Variants in SHISA6 observed in about 807,000 individuals in gnomAD.
SHISA6 encodes protein shisa-6.
SHISA6 carries 22 observed loss-of-function variants against 47.9 expected under a neutral mutation model. The ratio of observed to expected loss-of-function variants is 0.46; its 90% CI spans 0.33 to 0.66. The LOEUF (loss-of-function observed/expected upper bound fraction) is 0.66, where lower values mean the gene tolerates loss of function less well. SHISA6 is among the 30% of genes least tolerant of loss of function. SHISA6 has a pLI of 0.02. For missense variants in SHISA6, 680 were observed against 764.6 expected (o/e 0.89, Z 1.30); for synonymous variants, 388 against 337.8 (o/e 1.15, Z -1.63).
At chr17:11,332,727 A>G (rs1312629992) in intron 2 of SHISA6, among the ~76,000 whole-genome samples, 1 of 152,190 alleles carries the variant, frequency 6.6e-6, no homozygotes, top group African/African-American at 2.4e-5. Context: ...GATTATGCCC[A>G]TGCCGGGGTT....
intron 2 of SHISA6, among the ~76,000 whole-genome samples, chr17:11,360,421 G>A (rs559359450): frequency 2.0e-5 from 3 of 152,188 alleles, no homozygotes; most frequent in East Asian, 3.9e-4. Context: ...TTAGCTGGGC[G>A]TGGTGGCAGG....
At chr17:11,311,106 C>CAAAAA (rs71139101) in intron 2 of SHISA6, among the ~76,000 whole-genome samples, 1 of 48,578 alleles carries the variant, frequency 2.1e-5, no homozygotes, top group African/African-American at 8.0e-5. Context: ...GACTCCATCT[C>CAAAAA]AAAAAAAAAA....
intron 1 of SHISA6, among the ~76,000 whole-genome samples, chr17:11,251,663 G>A (rs1907816616): frequency 6.6e-6 from 1 of 152,142 alleles, no homozygotes. Context: ...GTGCATGCAA[G>A]ACACAGCACT....
chr17:11,278,036 G>A (rs572849390), intron 2 of SHISA6, among the ~76,000 whole-genome samples: 1 of 152,284 alleles, frequency 6.6e-6, no homozygotes, highest in Non-Finnish European at 1.5e-5. Flanking sequence ...GTGTCACAGT[G>A]TGGCCCACAA....
intron 3 of SHISA6, among the ~76,000 whole-genome samples, chr17:11,406,770 A>T (rs1317704701): frequency 2.0e-5 from 3 of 152,170 alleles, no homozygotes; most frequent in Non-Finnish European, 4.4e-5. Flanking sequence ...ATTAGATTGT[A>T]TAAAATGTAC....
At chr17:11,404,411 G>GT (rs1192634048) in intron 3 of SHISA6, among the ~76,000 whole-genome samples, 3 of 152,090 alleles carry the variant, frequency 2.0e-5, no homozygotes, top group Non-Finnish European at 2.9e-5. Flanking sequence ...TCCCAAGACT[G>GT]TTTGTCTAGA....
chr17:11,247,038 T>A (rs1362877060), intron 1 of SHISA6, among the ~76,000 whole-genome samples: 2 of 152,286 alleles, frequency 1.3e-5, no homozygotes, highest in East Asian at 3.9e-4. Context: ...TTTCTGGGAA[T>A]CGACTGCTAA....
intron 2 of SHISA6, among the ~76,000 whole-genome samples, chr17:11,320,048 T>C (rs1353915196): frequency 6.6e-6 from 1 of 152,202 alleles, no homozygotes. Flanking sequence ...GTCCCTAGGG[T>C]TCTGAAAGAT....
chr17:11,439,016 C>T (rs189998672), intron 3 of SHISA6, among the ~76,000 whole-genome samples: 106 of 152,044 alleles, frequency 7.0e-4, no homozygotes, highest in African/African-American at 2.5e-3. Flanking sequence ...AGCAGTGGCC[C>T]CAAGGACTGA....
At position 11,508,303 on chromosome 17, in the gene SHISA6, G is replaced by T. The variant is rs1249537529; in HGVS notation, c.896-43593G>T. On this transcript the variant is annotated intron_variant, in intron 3 of 5. Coordinates refer to ENST00000441885, the MANE Select transcript of SHISA6 (RefSeq NM_207386.4). ...TTGGAAGTCCAAGATCAAAGCACCAGCATCTGGTGTCTGGTGAGGGCTACA... is the reference window on the plus strand; with the variant it reads ...TTGGAAGTCCAAGATCAAAGCACCATCATCTGGTGTCTGGTGAGGGCTACA... Among the ~76,000 whole-genome samples the T allele has an allele frequency of 2.0e-5, 3 of 152,200 alleles. No homozygotes were observed. The East Asian group carries it at 5.8e-4, about 29-fold the overall frequency.
chr17:11,488,166 A>T (rs1916396914), intron 3 of SHISA6, among the ~76,000 whole-genome samples: 1 of 151,996 alleles, frequency 6.6e-6, no homozygotes. Flanking sequence ...CAAATAGATA[A>T]CTAAAAGCCA....
At position 11,337,505 on chromosome 17, in the gene SHISA6, G is replaced by A. The variant is rs888511723; in HGVS notation, c.800-41909G>A. On this transcript the variant is annotated intron_variant, in intron 2 of 5. Coordinates refer to ENST00000441885, the MANE Select transcript of SHISA6 (RefSeq NM_207386.4). ...GAGGCTGGCAACTTACACAGATAGC[G>A]GTGCAGGGGATGTGACGTGGATGAT... 3.3e-5 allele frequency among the ~76,000 whole-genome samples: 5 copies of A among 152,194 alleles called. 1 individual carries two copies. The highest frequency in any genetic ancestry group is 9.7e-5 in the African/African-American group (4 of 41,442).
At chr17:11,246,758 C>G (rs953002871) in intron 1 of SHISA6, among the ~76,000 whole-genome samples, 5 of 152,200 alleles carry the variant, frequency 3.3e-5, no homozygotes, top group African/African-American at 1.2e-4. Flanking sequence ...ATGAGCCCTG[C>G]TCACCTTCCC....
chr17:11,404,716 T>C (rs902234946), intron 3 of SHISA6, among the ~76,000 whole-genome samples: 9 of 152,114 alleles, frequency 5.9e-5, no homozygotes, highest in African/African-American at 2.2e-4. Context: ...TACAGACGAG[T>C]GCAAGGAGAT....
chr17:11,293,280 G>T lies in SHISA6; in HGVS notation c.799+29754G>T, dbSNP rs144904995. Among the ~76,000 whole-genome samples, 95 of 152,290 alleles carry T rather than the reference G, an allele frequency of 6.2e-4. 1 individual carries two copies. Among genetic ancestry groups the T allele is most frequent in the African/African-American group, 2.2e-3 (91 of 41,556 alleles). Reference sequence around the variant, plus strand: ...GTGATAGTGGCTTAGACAGGGTGAAGTCGGTGCATTGGGGATACATTTTAG... The same window carrying T: ...GTGATAGTGGCTTAGACAGGGTGAATTCGGTGCATTGGGGATACATTTTAG... On this transcript the variant is annotated intron_variant, in intron 2 of 5. Transcript: ENST00000441885.
intron 3 of SHISA6, among the ~76,000 whole-genome samples, chr17:11,384,637 G>C (rs1913133925): frequency 1.3e-5 from 2 of 152,200 alleles, no homozygotes; most frequent in African/African-American, 4.8e-5. Context: ...ACCAGGGTAA[G>C]TAAGGGGTCC....
intron 3 of SHISA6, among the ~76,000 whole-genome samples, chr17:11,524,794 C>A (rs1329237667): frequency 6.6e-6 from 1 of 152,090 alleles, no homozygotes; most frequent in South Asian, 2.1e-4. Context: ...CCACTGCGCC[C>A]GGTCTATTTC....
At chr17:11,463,920 T>G (rs1400108810) in intron 3 of SHISA6, among the ~76,000 whole-genome samples, 2 of 152,174 alleles carry the variant, frequency 1.3e-5, no homozygotes, top group East Asian at 1.9e-4. Context: ...AAGGTTTTTT[T>G]TGTGTGTTTG....
chr17:11,447,762 G>T (rs1056675556), intron 3 of SHISA6, among the ~76,000 whole-genome samples: 4 of 152,198 alleles, frequency 2.6e-5, no homozygotes, highest in Non-Finnish European at 5.9e-5. Context: ...TGAAGTTTCT[G>T]CCCGTTTCCT....
Sources: allele counts gnomAD v4.1 joint callset (sites outside exome capture counted in the v4.1 genomes callset), GRCh38; gene constraint gnomAD v4.1.1; transcripts MANE v1.5; gene names NCBI Gene and HGNC (gene_info 2026-07-23, HGNC 2026-07-21).